The following MAN2A1 variants were observed in gnomAD, a reference collection of about 807,000 sequenced individuals.
The protein encoded by MAN2A1 is mannosidase alpha class 2A member 1, also known as alpha-mannosidase 2.
A neutral mutation model predicts 142.6 loss-of-function variants in MAN2A1; 76 were observed. The observed-to-expected ratio is 0.53, with a 90% CI of 0.44 to 0.65. The LOEUF is 0.65. Ranked by LOEUF, MAN2A1 falls within the 30% of genes least tolerant of loss-of-function variation. The pLI, the probability that MAN2A1 is intolerant of heterozygous loss-of-function variation, is 0.00. For synonymous variants in MAN2A1, 559 were observed against 473.2 expected (o/e 1.18, Z -2.35); for missense variants, 1,311 against 1,365.1 (o/e 0.96, Z 0.62).
intron 1 of MAN2A1, among the ~76,000 whole-genome samples, chr5:109,701,858 T>A (rs537600508): frequency 6.6e-6 from 1 of 152,310 alleles, no homozygotes; most frequent in South Asian, 2.1e-4. Context: ...TTGTACTATT[T>A]GCAGAAGGAG....
intron 10 of MAN2A1, among the ~76,000 whole-genome samples, chr5:109,788,346 G>C (rs534646177): frequency 6.7e-6 from 1 of 148,314 alleles, no homozygotes; most frequent in South Asian, 2.3e-4. Context: ...AATACAATTT[G>C]AATATAGTTA....
intron 3 of MAN2A1, among the ~76,000 whole-genome samples, chr5:109,720,064 C>T (rs1258004517): frequency 2.6e-5 from 4 of 152,160 alleles, no homozygotes; most frequent in Non-Finnish European, 1.5e-5. Flanking sequence ...ACAATTACAG[C>T]ACCTCTGTAT....
intron 4 of MAN2A1, among the ~76,000 whole-genome samples, chr5:109,737,153 G>A (rs6886389): frequency 0.086 from 12,350 of 143,364 alleles, 602 homozygotes; most frequent in African/African-American, 0.15. Context: ...AAGTGCACTG[G>A]TGTGGTCTCA....
chr5:109,814,192 T>C (rs2112716753), intron 12 of MAN2A1, among the ~76,000 whole-genome samples: 1 of 152,336 alleles, frequency 6.6e-6, no homozygotes, highest in Non-Finnish European at 1.5e-5. Flanking sequence ...ATTCTGAAGA[T>C]ATAAACATAA....
chr5:109,752,298 T>A (rs1752567928), intron 4 of MAN2A1, among the ~76,000 whole-genome samples: 2 of 152,234 alleles, frequency 1.3e-5, no homozygotes, highest in Non-Finnish European at 2.9e-5. Flanking sequence ...CTTTCTATTT[T>A]ATTTTGCAAA....
chr5:109,805,289 A>G (rs932722818), intron 12 of MAN2A1, among the ~76,000 whole-genome samples: 10 of 152,022 alleles, frequency 6.6e-5, no homozygotes, highest in East Asian at 3.9e-4. Flanking sequence ...TGACTTTACT[A>G]TTTTCTGTTG....
intron 4 of MAN2A1, among the ~76,000 whole-genome samples, chr5:109,736,605 T>C (rs1752106713): frequency 1.3e-5 from 2 of 152,186 alleles, no homozygotes; most frequent in Non-Finnish European, 2.9e-5. Flanking sequence ...AATAATTTTA[T>C]AGTTACTCAG....
intron 12 of MAN2A1, among the ~76,000 whole-genome samples, chr5:109,808,728 G>T (rs1444317306): frequency 7.4e-6 from 1 of 134,316 alleles, no homozygotes; most frequent in Non-Finnish European, 1.5e-5. Context: ...TTTTGAGACA[G>T]AGTCTCACCC....
chr5:109,770,732 A>T (rs966998286), intron 7 of MAN2A1, among the ~76,000 whole-genome samples, 191 bp downstream of exon 7: 2 of 152,128 alleles, frequency 1.3e-5, no homozygotes, highest in East Asian at 3.8e-4. Context: ...TTACATTTTA[A>T]TGGAAAGTGA....
intron 3 of MAN2A1, among the ~76,000 whole-genome samples, chr5:109,723,096 C>G (rs532330765): frequency 6.6e-6 from 1 of 152,198 alleles, no homozygotes; most frequent in African/African-American, 2.4e-5. Flanking sequence ...AATAAGGGGT[C>G]ACAGTTGTAC....
chr5:109,710,299 G>A (rs1210430501), intron 1 of MAN2A1, among the ~76,000 whole-genome samples: 1 of 152,034 alleles, frequency 6.6e-6, no homozygotes, highest in East Asian at 1.9e-4. Context: ...TCTTATCCAT[G>A]GATTATGGGA....
At chr5:109,703,837 C>A (rs1251289393) in intron 1 of MAN2A1, among the ~76,000 whole-genome samples, 1 of 152,198 alleles carries the variant, frequency 6.6e-6, no homozygotes, top group Non-Finnish European at 1.5e-5. Flanking sequence ...TTTGCATAGT[C>A]TCATTTTATG....
chr5:109,828,663 T>C (rs1050547436), intron 16 of MAN2A1, among the ~76,000 whole-genome samples: 4 of 152,216 alleles, frequency 2.6e-5, no homozygotes, highest in Non-Finnish European at 5.9e-5. Context: ...CGAGTTAGTA[T>C]GTATGTGTGT....
At chr5:109,696,921 CA>C (rs1371326588) in intron 1 of MAN2A1, among the ~76,000 whole-genome samples, 2 of 151,942 alleles carry the variant, frequency 1.3e-5, no homozygotes, top group Non-Finnish European at 2.9e-5. Flanking sequence ...TAGTATGTTA[CA>C]AAAAATTTCA....
intron 1 of MAN2A1, among the ~76,000 whole-genome samples, chr5:109,712,722 C>T (rs1407772489): frequency 6.6e-6 from 1 of 152,140 alleles, no homozygotes; most frequent in African/African-American, 2.4e-5. Context: ...ACATGCCTGA[C>T]ACAGTGGCCA....
chr5:109,719,233 C>T (rs541775975), intron 3 of MAN2A1, among the ~76,000 whole-genome samples: 78 of 152,168 alleles, frequency 5.1e-4, no homozygotes, highest in African/African-American at 1.7e-3. Flanking sequence ...TGTTAATGAC[C>T]CTGACTCTCA....
chr5:109,825,126 A>G (rs1276770062), intron 16 of MAN2A1, among the ~76,000 whole-genome samples: 2 of 152,208 alleles, frequency 1.3e-5, no homozygotes, highest in Non-Finnish European at 2.9e-5. Flanking sequence ...GAGTTTCTCA[A>G]AACTTCTGGT....
chr5:109,826,036 G>C (rs1754750381), intron 16 of MAN2A1, among the ~76,000 whole-genome samples: 2 of 150,588 alleles, frequency 1.3e-5, no homozygotes, highest in African/African-American at 4.9e-5. Flanking sequence ...TTCCTAGGTA[G>C]CTGGGACTAC....
chr5:109,771,637 G>A (rs539186395), intron 7 of MAN2A1, among the ~76,000 whole-genome samples: 16 of 152,294 alleles, frequency 1.1e-4, no homozygotes, highest in African/African-American at 3.8e-4. Context: ...CTGCTTTCTA[G>A]CTAGGGTTGG....
Sources: allele counts gnomAD v4.1 joint callset (sites outside exome capture counted in the v4.1 genomes callset), GRCh38; gene constraint gnomAD v4.1.1; transcripts MANE v1.5; gene names NCBI Gene and HGNC (gene_info 2026-07-23, HGNC 2026-07-21).